Variants in DOP1A observed in about 807,000 individuals in gnomAD.
DOP1A encodes the protein DOP1 leucine zipper like protein A, also known as protein DOP1A.
DOP1A carries 90 observed loss-of-function variants against 267.6 expected under a neutral mutation model. That is an observed-to-expected ratio of 0.34 (90% CI 0.28 to 0.40). DOP1A has a LOEUF of 0.40. Ranked by LOEUF, DOP1A falls within the 10% of genes least tolerant of loss-of-function variation. The pLI is 1.00. For missense variants in DOP1A, 2,437 were observed against 2,900.4 expected, an observed-to-expected ratio of 0.84 and a Z score of 3.67; for synonymous variants, 932 against 999.1, an observed-to-expected ratio of 0.93 and a Z score of 1.27.
At chr6:83,160,083 T>C in intron 37 of DOP1A, 123 bp downstream of exon 37, 1 of 943,600 alleles carries the variant, frequency 1.1e-6, no homozygotes. Flanking sequence ...TTTACTAAAA[T>C]GTAATTCTTT....
intron 1 of DOP1A, among the ~76,000 whole-genome samples, chr6:83,070,471 ACATT>A (rs1785398933): frequency 6.6e-6 from 1 of 152,188 alleles, no homozygotes; most frequent in Admixed American, 6.5e-5. Context: ...ATACTGATGT[ACATT>A]CATTTAAGTG....
At chr6:83,130,495 AGCTTCATTT>A in intron 17 of DOP1A, 98 bp downstream of exon 17, 2 of 1,436,796 alleles carry the variant, frequency 1.4e-6, no homozygotes, top group Middle Eastern at 2.5e-4. Context: ...ATGTTAATAA[AGCTTCATTT>A]AAACACCTCT....
intron 3 of DOP1A, among the ~76,000 whole-genome samples, chr6:83,098,113 G>GGCCTCAAATGATCCTCCCACCA (rs1771844417): frequency 6.6e-6 from 1 of 151,888 alleles, no homozygotes; most frequent in Admixed American, 6.6e-5. Context: ...TTGAACTCTT[G>GGCCTCAAATGATCCTCCCACCA]GCCTCAAATG....
At chr6:83,101,083 T>G (rs77914566) in intron 4 of DOP1A, among the ~76,000 whole-genome samples, 197 bp downstream of exon 4, 3 of 152,184 alleles carry the variant, frequency 2.0e-5, no homozygotes, top group African/African-American at 7.2e-5. Context: ...TGGCCCAATC[T>G]TGGCTCACTG....
At chr6:83,159,548 C>T (rs564901973) in intron 36 of DOP1A, among the ~76,000 whole-genome samples, 2 of 152,222 alleles carry the variant, frequency 1.3e-5, no homozygotes, top group East Asian at 3.9e-4. Flanking sequence ...GCCTTGGCAT[C>T]CCAAAATGCT....
At chr6:83,133,416 A>G (rs1164395525) in intron 18 of DOP1A, among the ~76,000 whole-genome samples, 2 of 152,122 alleles carry the variant, frequency 1.3e-5, no homozygotes, top group Non-Finnish European at 2.9e-5. Flanking sequence ...AGCCTGTATT[A>G]AGCCCATAGA....
intron 1 of DOP1A, among the ~76,000 whole-genome samples, chr6:83,096,081 A>G (rs1180196196): frequency 6.6e-6 from 1 of 152,104 alleles, no homozygotes; most frequent in East Asian, 1.9e-4. Context: ...CCACTTTTTC[A>G]AAGAAATAAC....
intron 16 of DOP1A, among the ~76,000 whole-genome samples, 173 bp from the exon 17 acceptor site, chr6:83,129,950 A>G (rs927687006): frequency 6.6e-6 from 1 of 152,224 alleles, no homozygotes; most frequent in African/African-American, 2.4e-5. Context: ...AAAAAAGTAT[A>G]AGAAATTCTT....
chr6:83,162,847 G>T lies in DOP1A; in HGVS notation c.7020G>T (p.Arg2340Ser). The change falls in exon 38 of 39, where the codon AGG becomes AGT. Residue 2340 changes from arginine (R) to serine (S), a missense_variant. Physicochemically the swap from Arg to Ser is moderately radical, Grantham distance 110. Coordinates refer to ENST00000349129, the MANE Select transcript of DOP1A (RefSeq NM_015018.4). ...ATGATTCAGGTTTGGAAGTCAGAAG[G>T]CAGGGTATACATCAACGAGAATTTA... ...ASDDSGLEVRRQGIHQREFKP... is the reference protein window; with the variant it reads ...ASDDSGLEVRSQGIHQREFKP... The T allele has an allele frequency of 6.2e-7, 1 of 1,613,672 alleles. No homozygotes were observed.
intron 1 of DOP1A, among the ~76,000 whole-genome samples, chr6:83,076,522 A>T (rs1767122340): frequency 6.6e-6 from 1 of 152,166 alleles, no homozygotes; most frequent in Non-Finnish European, 1.5e-5. Context: ...AGAAAAAAAA[A>T]TGTTGAAGAT....
intron 3 of DOP1A, 109 bp downstream of exon 3, chr6:83,097,224 C>T: frequency 1.6e-6 from 2 of 1,222,406 alleles, no homozygotes; most frequent in Non-Finnish European, 2.3e-6. Flanking sequence ...CATAAATGAA[C>T]CTTAGATTAC....
chr6:83,120,250 A>G (rs1337703633), intron 9 of DOP1A, among the ~76,000 whole-genome samples: 1 of 151,924 alleles, frequency 6.6e-6, no homozygotes, highest in East Asian at 1.9e-4. Flanking sequence ...TTTGAAATAG[A>G]AGAAAATACA....
intron 13 of DOP1A, 101 bp from the exon 14 acceptor site, chr6:83,125,065 A>C: frequency 6.3e-6 from 7 of 1,111,216 alleles, no homozygotes; most frequent in Non-Finnish European, 9.1e-6. Context: ...TAGTGGTCTA[A>C]TGCTGCATTT....
At chr6:83,145,416 C>T (rs1219990171) in intron 24 of DOP1A, 108 bp from the exon 25 acceptor site, 33 of 1,021,326 alleles carry the variant, frequency 3.2e-5, no homozygotes, top group Middle Eastern at 2.6e-4. Flanking sequence ...GACCTCATCT[C>T]CATTTAAAAA....
chr6:83,107,267 TG>T (rs1438833197), intron 4 of DOP1A, among the ~76,000 whole-genome samples: 3 of 151,800 alleles, frequency 2.0e-5, no homozygotes, highest in Non-Finnish European at 4.4e-5. Context: ...AAAAAGATAA[TG>T]GATGAAGCAG....
rs1418145408 is a variant in DOP1A at position 83,125,631 on chromosome 6, C to T, written c.1617C>T (p.Ile539=). The T allele has an allele frequency of 1.2e-6, 2 of 1,613,834 alleles. No homozygotes were observed. Among genetic ancestry groups the T allele is most frequent in the Non-Finnish European group, 8.5e-7 (1 of 1,179,836 alleles). ...LTDSLRLCSK[I]LSKVQPPLLS... ...ATTCTCTCAGACTCTGCTCAAAGATCCTTAGCAAGGTTCAGCCTCCACTGT... is the reference window on the plus strand; with the variant it reads ...ATTCTCTCAGACTCTGCTCAAAGATTCTTAGCAAGGTTCAGCCTCCACTGT... The change falls in exon 15 of 39, where the codon ATC becomes ATT. Residue 539 remains isoleucine, a synonymous_variant. Coordinates refer to ENST00000349129, the MANE Select transcript of DOP1A (RefSeq NM_015018.4).
intron 38 of DOP1A, among the ~76,000 whole-genome samples, chr6:83,164,030 C>A (rs1429262080): frequency 6.7e-6 from 1 of 150,360 alleles, no homozygotes; most frequent in Non-Finnish European, 1.5e-5. Flanking sequence ...GTCAAATTTT[C>A]TTTTACATTC....
At chr6:83,091,635 T>C (rs1770427705) in intron 1 of DOP1A, among the ~76,000 whole-genome samples, 1 of 152,194 alleles carries the variant, frequency 6.6e-6, no homozygotes, top group Non-Finnish European at 1.5e-5. Flanking sequence ...ATGTGTATGT[T>C]GAGATAATAT....
chr6:83,093,301 G>T lies in DOP1A; in HGVS notation c.-146-3430G>T, dbSNP rs1582905334. ...TACTCTCTCCAAAGATAGGCTTTGG[G>T]ACTTGTTTTCATTTTTGTGGATAAA... On this transcript the variant is annotated intron_variant, in intron 1 of 38. Coordinates refer to ENST00000349129, the MANE Select transcript of DOP1A (RefSeq NM_015018.4). 3.3e-5 allele frequency among the ~76,000 whole-genome samples: 5 copies of T among 152,232 alleles called. No homozygotes were observed. The East Asian group carries it at 9.7e-4, about 29-fold the overall frequency.
Sources: gnomAD v4.1 joint callset for allele counts (sites outside exome capture counted in the v4.1 genomes callset) on GRCh38, gnomAD v4.1.1 for gene constraint, MANE v1.5 for transcripts, NCBI Gene and HGNC (gene_info 2026-07-23, HGNC 2026-07-21) for gene names.